The following CNTNAP2 variants were observed in gnomAD, a reference collection of about 807,000 sequenced individuals.
CNTNAP2 encodes the protein contactin-associated protein-like 2.
A neutral mutation model predicts 155.2 loss-of-function variants in CNTNAP2; 98 were observed. That is an observed-to-expected ratio of 0.63 (90% CI 0.54 to 0.75). CNTNAP2 has a LOEUF of 0.75. Ranked by LOEUF, CNTNAP2 falls within the 30% of genes least tolerant of loss-of-function variation. The pLI is 0.00. For synonymous variants in CNTNAP2, 651 were observed against 631.2 expected (o/e 1.03, Z -0.47); for missense variants, 1,727 against 1,688.1 (o/e 1.02, Z -0.40).
At chr7:146,519,980 T>C (rs558372176) in intron 1 of CNTNAP2, among the ~76,000 whole-genome samples, 1 of 151,842 alleles carries the variant, frequency 6.6e-6, no homozygotes, top group Admixed American at 6.6e-5. Context: ...TATATAAAAA[T>C]CATACAGAAT....
intron 15 of CNTNAP2, among the ~76,000 whole-genome samples, chr7:147,996,520 T>C (rs1301645627): frequency 6.6e-6 from 1 of 152,214 alleles, no homozygotes; most frequent in Admixed American, 6.5e-5. Context: ...TTATTTAATT[T>C]CACTAAGCTT....
At chr7:147,303,565 A>G (rs1794979593) in intron 9 of CNTNAP2, among the ~76,000 whole-genome samples, 1 of 152,228 alleles carries the variant, frequency 6.6e-6, no homozygotes, top group African/African-American at 2.4e-5. Flanking sequence ...ATCTTAAGAA[A>G]TACTAGTATA....
chr7:146,202,742 TAATTC>T (rs780119042), intron 1 of CNTNAP2, among the ~76,000 whole-genome samples: 5 of 152,130 alleles, frequency 3.3e-5, no homozygotes, highest in Non-Finnish European at 2.9e-5. Context: ...CTGTCATGGT[TAATTC>T]TATTATCATA....
In CNTNAP2 at chr7:148,400,979, C is replaced by CAA. The variant is rs59013618; in HGVS notation, c.3716-8399_3716-8398dup. Among the ~76,000 whole-genome samples the CAA allele has an allele frequency of 6.7e-4, 74 of 109,990 alleles. 1 individual carries two copies. Among genetic ancestry groups the CAA allele is most frequent in the Middle Eastern group, 0.01 (2 of 196 alleles). The allele number at this position is 109,990 out of a possible 152,430, so 72.2% of individuals were successfully genotyped here. A position where few individuals can be genotyped will look rare whatever the true frequency, so the allele number is the denominator to read the frequency against. On this transcript the variant is annotated intron_variant, in intron 22 of 23. Transcript: ENST00000361727. ...TGGGCGACAGAGTGAGACTCCGCCT[C>CAA]AAAAAAAAAAAAAAGATTTGTTATG...
chr7:147,860,250 C>A (rs6948993), intron 13 of CNTNAP2, among the ~76,000 whole-genome samples: 6,386 of 152,156 alleles, frequency 0.042, 435 homozygotes, highest in African/African-American at 0.15. Flanking sequence ...CATGCTGAAA[C>A]CCCATCTCTA....
intron 1 of CNTNAP2, among the ~76,000 whole-genome samples, chr7:146,273,214 CAA>C (rs57230385): frequency 2.9e-5 from 3 of 101,944 alleles, no homozygotes; most frequent in African/African-American, 3.6e-5. Flanking sequence ...GCGTCACGTG[CAA>C]AAAAAAAAAA....
intron 1 of CNTNAP2, among the ~76,000 whole-genome samples, chr7:146,580,178 A>C (rs1798590042): frequency 6.6e-6 from 1 of 152,124 alleles, no homozygotes; most frequent in African/African-American, 2.4e-5. Context: ...CAGTGGTAGA[A>C]ATTTAACAGG....
At chr7:148,299,305 T>A (rs541692428) in intron 21 of CNTNAP2, among the ~76,000 whole-genome samples, 3 of 152,276 alleles carry the variant, frequency 2.0e-5, no homozygotes, top group Admixed American at 2.0e-4. Flanking sequence ...TTTTTAAAAA[T>A]ATTTTTTAAA....
intron 15 of CNTNAP2, among the ~76,000 whole-genome samples, chr7:148,035,844 A>G (rs935010895): frequency 1.3e-5 from 2 of 152,220 alleles, no homozygotes; most frequent in African/African-American, 4.8e-5. Context: ...CAGCAAAGCT[A>G]TACGGGTGAG....
At chr7:146,151,756 TA>T (rs1292452967) in intron 1 of CNTNAP2, among the ~76,000 whole-genome samples, 1 of 142,110 alleles carries the variant, frequency 7.0e-6, no homozygotes, top group East Asian at 2.1e-4. Context: ...CAGCCTTTTT[TA>T]AAAATGGAGG....
At chr7:146,436,574 T>G (rs1421442171) in intron 1 of CNTNAP2, among the ~76,000 whole-genome samples, 1 of 152,076 alleles carries the variant, frequency 6.6e-6, no homozygotes, top group Non-Finnish European at 1.5e-5. Flanking sequence ...ATAGGTAACA[T>G]AAAGCAAAAT....
chr7:146,399,461 G>C (rs1318200324), intron 1 of CNTNAP2, among the ~76,000 whole-genome samples: 1 of 152,066 alleles, frequency 6.6e-6, no homozygotes, highest in Non-Finnish European at 1.5e-5. Context: ...CACCTAACAT[G>C]ATGATCTCCA....
At chr7:148,405,016 G>T (rs1249281955) in intron 22 of CNTNAP2, among the ~76,000 whole-genome samples, 1 of 152,092 alleles carries the variant, frequency 6.6e-6, no homozygotes, top group Admixed American at 6.5e-5. Context: ...GGCAGGCCAG[G>T]CTGGTTTTGG....
intron 3 of CNTNAP2, among the ~76,000 whole-genome samples, chr7:147,001,645 T>C (rs1798425136): frequency 6.6e-6 from 1 of 151,986 alleles, no homozygotes; most frequent in Non-Finnish European, 1.5e-5. Context: ...GAATTCTTCA[T>C]AAAATCTGAG....
intron 20 of CNTNAP2, among the ~76,000 whole-genome samples, chr7:148,245,027 C>T (rs1455732034): frequency 6.6e-6 from 1 of 151,488 alleles, no homozygotes; most frequent in Non-Finnish European, 1.5e-5. Context: ...CTAATTGTAC[C>T]TTTTGTATTT....
At chr7:146,158,797 G>A (rs1798169202) in intron 1 of CNTNAP2, among the ~76,000 whole-genome samples, 1 of 152,172 alleles carries the variant, frequency 6.6e-6, no homozygotes, top group Non-Finnish European at 1.5e-5. Context: ...AGGGAGAATG[G>A]AACCAAGTTG....
intron 8 of CNTNAP2, among the ~76,000 whole-genome samples, chr7:147,285,625 C>T (rs923753148): frequency 6.6e-6 from 1 of 151,868 alleles, no homozygotes; most frequent in Non-Finnish European, 1.5e-5. Context: ...ATCTATAATA[C>T]TAATATGACA....
chr7:147,726,520 G>T (rs1442357869), intron 13 of CNTNAP2, among the ~76,000 whole-genome samples: 1 of 151,954 alleles, frequency 6.6e-6, no homozygotes, highest in African/African-American at 2.4e-5. Flanking sequence ...TTAAGGGCAG[G>T]GGGAAGAGAA....
intron 10 of CNTNAP2, among the ~76,000 whole-genome samples, chr7:147,430,094 T>C (rs760473909): frequency 3.9e-5 from 6 of 152,288 alleles, no homozygotes; most frequent in Admixed American, 2.0e-4. Flanking sequence ...TAGTTGTATA[T>C]GCTAGATGTC....
Sources: allele counts gnomAD v4.1 joint callset (sites outside exome capture counted in the v4.1 genomes callset), GRCh38; gene constraint gnomAD v4.1.1; transcripts MANE v1.5; gene names NCBI Gene and HGNC (gene_info 2026-07-23, HGNC 2026-07-21).